DIP2A: variants seen among roughly 807,000 people sequenced by gnomAD.
DIP2A encodes the protein DIP2 acetate--CoA ligase A, also known as disco-interacting protein 2 homolog A.
DIP2A carries 85 observed loss-of-function variants against 177.4 expected under a neutral mutation model. The observed-to-expected ratio is 0.48, with a 90% CI of 0.40 to 0.57. The LOEUF (loss-of-function observed/expected upper bound fraction) is 0.57. DIP2A is among the 20% of genes least tolerant of loss of function. DIP2A has a pLI of 0.00. For synonymous variants in DIP2A, 886 were observed against 881.8 expected, an observed-to-expected ratio of 1.00 and a Z score of -0.08; for missense variants, 1,791 against 2,100.2, an observed-to-expected ratio of 0.85 and a Z score of 2.88.
chr21:46,510,506 C>T (rs1422275601), intron 7 of DIP2A, among the ~76,000 whole-genome samples: 1 of 152,034 alleles, frequency 6.6e-6, no homozygotes, highest in Non-Finnish European at 1.5e-5. Context: ...CATCTTAGAG[C>T]AGTGTTTCTT....
At chr21:46,513,834 A>G (rs1456037395) in intron 8 of DIP2A, among the ~76,000 whole-genome samples, 2 of 152,168 alleles carry the variant, frequency 1.3e-5, no homozygotes, top group African/African-American at 4.8e-5. Flanking sequence ...AATAAATATA[A>G]TGCAAATATT....
rs1389298499 is a variant in DIP2A, at chr21:46,541,835, G to T, written c.2116G>T (p.Asp706Tyr). ...TCTAAGTTATGGTGTTATCAGAGTG[G>T]ATACTGAAGAAAAGTTGTCAGTCCT... ...NGLSYGVIRVDTEEKLSVLTV... is the reference protein window; with the variant it reads ...NGLSYGVIRVYTEEKLSVLTV... The change falls in exon 18 of 38, where the codon GAT becomes TAT. Residue 706 changes from aspartate to tyrosine, a missense_variant. Asp to Tyr is a radical substitution (Grantham distance 160, BLOSUM62 -3). Transcript: ENST00000417564. 6.2e-7 allele frequency: 1 copy of T among 1,614,020 alleles called. No individual in the cohort carries two copies. The highest frequency in any genetic ancestry group is 8.5e-7 in the Non-Finnish European group (1 of 1,179,882).
At chr21:46,551,459 T>TCTCTTTGTC in intron 23 of DIP2A, among the ~76,000 whole-genome samples, 175 bp from the exon 24 acceptor site, 1 of 151,478 alleles carries the variant, frequency 6.6e-6, no homozygotes, top group East Asian at 1.9e-4. Flanking sequence ...AGAGAGAAAT[T>TCTCTTTGTC]CTCTTTGTCA....
rs1411596710 is a variant in DIP2A at position 46,497,040 on chromosome 21, G to A, written c.336G>A (p.Lys112=). The A allele has an allele frequency of 1.2e-6, 2 of 1,613,800 alleles. No individual in the cohort carries two copies. Among genetic ancestry groups the A allele is most frequent in the African/African-American group, 1.3e-5 (1 of 74,926 alleles). ...QAALAKYKER[K]MPMPSKRRSV... is the part of the protein sequence containing the mutation. The stretch of plus-strand genomic sequence containing the variant: ...CTTTGGCCAAATACAAAGAGAGGAA[G>A]ATGCCTATGCCTTCGAAGAGACGTT... Residue 112 remains lysine (K), a synonymous_variant, in exon 4 of 38, where the codon AAG becomes AAA. Transcript: ENST00000417564.
At chr21:46,558,663 AAC>A in intron 32 of DIP2A, 1 of 477,424 alleles carries the variant, frequency 2.1e-6, no homozygotes, top group Non-Finnish European at 3.8e-6. Context: ...TTAGATATAA[AAC>A]ACAGCTAAGT....
chr21:46,503,294 G>A (rs147750063), intron 5 of DIP2A, among the ~76,000 whole-genome samples: 1,826 of 144,560 alleles, frequency 0.013, 11 homozygotes, highest in Middle Eastern at 0.04. Context: ...CTGCACTCCA[G>A]TCTGGGCAGT....
chr21:46,484,820 T>G lies in DIP2A; in HGVS notation c.155T>G (p.Leu52Arg). 6.3e-7 allele frequency: 1 copy of G among 1,581,222 alleles called. No homozygotes were observed. Among genetic ancestry groups the G allele is most frequent in the Non-Finnish European group, 8.6e-7 (1 of 1,163,506 alleles). ...RAKLLARYIPLIQGIDPSLQA... is the reference protein window; with the variant it reads ...RAKLLARYIPRIQGIDPSLQA... ...AAGCTGCTTGCACGTTATATACCGCTTATTCAAGGTAAGGTCAATACACTC... is the reference window on the plus strand; with the variant it reads ...AAGCTGCTTGCACGTTATATACCGCGTATTCAAGGTAAGGTCAATACACTC... Residue 52 changes from leucine to arginine, a missense_variant, in exon 2 of 38, where the codon CTT becomes CGT. Physicochemically the swap from Leu to Arg is moderately radical, Grantham distance 102. Coordinates refer to ENST00000417564, the MANE Select transcript of DIP2A (RefSeq NM_015151.4).
chr21:46,476,326 A>C (rs1285889419), intron 1 of DIP2A, among the ~76,000 whole-genome samples: 3 of 152,154 alleles, frequency 2.0e-5, no homozygotes, highest in Non-Finnish European at 4.4e-5. Flanking sequence ...ATTATCTTAT[A>C]TGGTTATACC....
the DIP2A span, among the ~76,000 whole-genome samples, chr21:46,583,754 C>A: frequency 6.6e-6 from 1 of 152,188 alleles, no homozygotes; most frequent in African/African-American, 2.4e-5. Flanking sequence ...TCTCTCTTGC[C>A]TTTCCACCTC....
chr21:46,576,881 G>A, the DIP2A span, among the ~76,000 whole-genome samples: 118 of 152,236 alleles, frequency 7.8e-4, 1 homozygote, highest in African/African-American at 2.6e-3. Context: ...AATGATCAGC[G>A]ATATTGAGCT....
At chr21:46,502,958 G>A (rs1459392927) in intron 5 of DIP2A, among the ~76,000 whole-genome samples, 1 of 152,142 alleles carries the variant, frequency 6.6e-6, no homozygotes, top group Non-Finnish European at 1.5e-5. Context: ...TTCAGACAAT[G>A]GAAGGAGTGA....
intron 1 of DIP2A, 112 bp from the exon 2 acceptor site, chr21:46,484,645 A>G (rs939657024): frequency 2.2e-6 from 2 of 889,114 alleles, no homozygotes; most frequent in Non-Finnish European, 3.4e-6. Context: ...TTGTCCAGAC[A>G]CTTCATGGAA....
At chr21:46,577,236 T>C in the DIP2A span, among the ~76,000 whole-genome samples, 1 of 152,208 alleles carries the variant, frequency 6.6e-6, no homozygotes, top group Non-Finnish European at 1.5e-5. Context: ...ATTGCCTAGA[T>C]TTTCTTCTAG....
chr21:46,490,336 G>A (rs987395587), intron 2 of DIP2A, among the ~76,000 whole-genome samples: 1 of 152,142 alleles, frequency 6.6e-6, no homozygotes, highest in Non-Finnish European at 1.5e-5. Flanking sequence ...GCTGCCAAGG[G>A]TACAGGGCCA....
rs747298400 is a variant in DIP2A at position 46,541,713 on chromosome 21, C to T, written c.2037-43C>T. On this transcript the variant is annotated intron_variant, in intron 17 of 37. Transcript: ENST00000417564. The stretch of plus-strand genomic sequence containing the variant: ...AGGTGGGCCCACCTCCCTGGAATTT[C>T]ATCCCCCTCGTCAGTTAAACCCATG... 5.6e-5 allele frequency: 90 copies of T among 1,612,032 alleles called. 2 individuals are homozygous for T. The South Asian group carries it at 9.0e-4, about 16-fold the overall frequency.
chr21:46,578,714 CAT>C, the DIP2A span, among the ~76,000 whole-genome samples: 1 of 152,112 alleles, frequency 6.6e-6, no homozygotes, highest in South Asian at 2.1e-4. Context: ...TTGATATAAT[CAT>C]GTGGTTTTCA....
At chr21:46,507,011 G>A (rs919551566) in intron 6 of DIP2A, among the ~76,000 whole-genome samples, 3 of 151,520 alleles carry the variant, frequency 2.0e-5, no homozygotes, top group Non-Finnish European at 4.4e-5. Flanking sequence ...TGAACTCCTC[G>A]TCTCTGCCTG....
At position 46,529,605 on chromosome 21, in the gene DIP2A, GAAA is replaced by G. The variant is rs111985953; in HGVS notation, c.1194+434_1194+436del. On this transcript the variant is annotated intron_variant, in intron 9 of 37. Transcript: ENST00000417564. Reference sequence around the variant, plus strand: ...ACAGAGTGAGACTCCGTCTCAAAGAGAAAAAAAAAAAAAAGCAGTGAAAAATAT... The same window carrying G: ...ACAGAGTGAGACTCCGTCTCAAAGAGAAAAAAAAAAAGCAGTGAAAAATAT... Among the ~76,000 whole-genome samples, 3 of 120,106 alleles carry G rather than the reference GAAA, an allele frequency of 2.5e-5. No homozygotes were observed. In the East Asian group the frequency reaches 7.3e-4, roughly 29 times the overall value. 78.8% of individuals were successfully genotyped at this position (120,106 alleles called of 152,430 possible). A position where few individuals can be genotyped will look rare whatever the true frequency, so the allele number is the denominator to read the frequency against.
chr21:46,479,789 T>A (rs1187524606), intron 1 of DIP2A, among the ~76,000 whole-genome samples: 1 of 152,206 alleles, frequency 6.6e-6, no homozygotes, highest in Non-Finnish European at 1.5e-5. Flanking sequence ...CACCTTGGCC[T>A]CCCAAAGTGC....
Sources: gnomAD v4.1 joint callset for allele counts (sites outside exome capture counted in the v4.1 genomes callset) on GRCh38, gnomAD v4.1.1 for gene constraint, MANE v1.5 for transcripts, NCBI Gene and HGNC (gene_info 2026-07-23, HGNC 2026-07-21) for gene names.